CUL1: variants seen among roughly 807,000 people sequenced by gnomAD.
CUL1 encodes the protein cullin 1, also known as cullin-1.
CUL1 carries 24 observed loss-of-function variants against 118.0 expected under a neutral mutation model. The observed-to-expected ratio is 0.20, with a 90% CI of 0.15 to 0.29. CUL1 has a LOEUF of 0.29. Ranked by LOEUF, CUL1 falls within the 10% of genes least tolerant of loss-of-function variation. CUL1 has a pLI of 1.00. For missense variants in CUL1, 361 were observed against 933.8 expected, an observed-to-expected ratio of 0.39 and a Z score of 7.99; for synonymous variants, 332 against 340.4, an observed-to-expected ratio of 0.98 and a Z score of 0.27.
intron 9 of CUL1, among the ~76,000 whole-genome samples, chr7:148,773,274 A>G (rs892905051): frequency 3.9e-5 from 6 of 152,028 alleles, no homozygotes; most frequent in Non-Finnish European, 7.3e-5. Context: ...TGAAACTATT[A>G]TAATATCATT....
rs968798254 is a variant in CUL1, at chr7:148,730,189, G to T, written c.67G>T (p.Asp23Tyr). The T allele has an allele frequency of 6.2e-7, 1 of 1,613,978 alleles. No individual in the cohort carries two copies. Among genetic ancestry groups the T allele is most frequent in the African/African-American group, 1.3e-5 (1 of 74,904 alleles). ...GATTGGCCTGGACCAGATCTGGGAC[G>T]ACCTCAGAGCCGGCATCCAGCAGGT... ...KQIGLDQIWD[D>Y]LRAGIQQVYT... Residue 23 changes from aspartate (D) to tyrosine (Y), a missense_variant, in exon 2 of 22, where the codon GAC becomes TAC. By Grantham distance (160) the Asp-to-Tyr change is radical. This residue lies in a region of CUL1 where 13 missense variants were observed against 56.5 expected (regional missense o/e 0.23). Transcript: ENST00000325222.
intron 6 of CUL1, 145 bp downstream of exon 6, chr7:148,759,783 G>T: frequency 2.0e-6 from 1 of 492,764 alleles, no homozygotes; most frequent in East Asian, 3.4e-5. Context: ...TTCTTTTTAA[G>T]TCAGTGTGAC....
At chr7:148,779,900 G>T (rs961443655) in intron 9 of CUL1, among the ~76,000 whole-genome samples, 2 of 152,140 alleles carry the variant, frequency 1.3e-5, no homozygotes, top group African/African-American at 4.8e-5. Flanking sequence ...AGCTGCCAGC[G>T]AATATAAGGC....
intron 9 of CUL1, among the ~76,000 whole-genome samples, chr7:148,776,409 C>T (rs1416604097): frequency 2.0e-5 from 3 of 147,808 alleles, no homozygotes; most frequent in Non-Finnish European, 3.0e-5. Context: ...CTCCACCTCC[C>T]AGGTTCAAGC....
intron 17 of CUL1, among the ~76,000 whole-genome samples, chr7:148,795,627 G>A (rs546803255): frequency 4.6e-5 from 7 of 152,090 alleles, no homozygotes; most frequent in East Asian, 2.0e-4. Context: ...AAAATTAGCC[G>A]GGCGTGGTGG....
chr7:148,756,853 A>G lies in CUL1; in HGVS notation c.316-130A>G, dbSNP rs1215277552. On this transcript the variant is annotated intron_variant, in intron 3 of 21. Coordinates refer to ENST00000325222, the MANE Select transcript of CUL1 (RefSeq NM_003592.3). ...ATATTAGCATGTTTTTGTATACAGAATAATTTAAAGAAGCCATCTAAAATC... is the reference window on the plus strand; with the variant it reads ...ATATTAGCATGTTTTTGTATACAGAGTAATTTAAAGAAGCCATCTAAAATC... 6.8e-5 allele frequency: 34 copies of G among 500,476 alleles called. No individual in the cohort carries two copies. The East Asian group carries it at 9.8e-4, about 14-fold the overall frequency. The allele number at this position is 500,476 out of a possible 1,614,324, so 31.0% of individuals were successfully genotyped here.
At chr7:148,704,931 G>T (rs1797836701) in intron 1 of CUL1, among the ~76,000 whole-genome samples, 2 of 152,134 alleles carry the variant, frequency 1.3e-5, no homozygotes, top group Non-Finnish European at 2.9e-5. Flanking sequence ...TTGCAAGGAA[G>T]ACATTTCTGC....
intron 1 of CUL1, among the ~76,000 whole-genome samples, chr7:148,699,751 G>C (rs1469516573): frequency 6.6e-6 from 1 of 152,090 alleles, no homozygotes; most frequent in East Asian, 1.9e-4. Flanking sequence ...ACCGGACAGA[G>C]CCCCCCGGCG....
Position 148,786,779 on chromosome 7 carries a change from TACTC to T in CUL1, c.1347+182_1347+185del, listed in dbSNP as rs546404620. ...TTAGCATTCATACTTTTCTCATTAA[TACTC>T]AGTCAGTCCAACTCACTGAATTAAG... On this transcript the variant is annotated intron_variant, in intron 12 of 21. Transcript: ENST00000325222. 1.2e-4 allele frequency among the ~76,000 whole-genome samples: 19 copies of T among 152,384 alleles called. No individual in the cohort carries two copies. The South Asian group carries it at 2.1e-3, about 17-fold the overall frequency.
intron 9 of CUL1, among the ~76,000 whole-genome samples, chr7:148,779,427 G>C (rs1440420332): frequency 6.6e-6 from 1 of 152,178 alleles, no homozygotes; most frequent in African/African-American, 2.4e-5. Context: ...TGGAAATTCA[G>C]AGAAAGCATC....
chr7:148,708,202 A>G (rs1302547193), intron 1 of CUL1, among the ~76,000 whole-genome samples: 1 of 152,164 alleles, frequency 6.6e-6, no homozygotes, highest in Non-Finnish European at 1.5e-5. Flanking sequence ...TTCAGCTGAG[A>G]GCCTTGCAGT....
At chr7:148,783,264 G>C (rs1800704028) in intron 9 of CUL1, 1 of 924,994 alleles carries the variant, frequency 1.1e-6, no homozygotes, top group African/African-American at 1.8e-5. Flanking sequence ...CCCGTCCTGC[G>C]ATGAGGCCCT....
chr7:148,733,505 G>T (rs530409628), intron 2 of CUL1, among the ~76,000 whole-genome samples: 1 of 152,296 alleles, frequency 6.6e-6, no homozygotes, highest in East Asian at 1.9e-4. Flanking sequence ...AGCCCAGGTT[G>T]CATAACAGAG....
intron 9 of CUL1, among the ~76,000 whole-genome samples, chr7:148,771,519 C>T (rs991730894): frequency 1.3e-5 from 2 of 152,162 alleles, no homozygotes; most frequent in Non-Finnish European, 2.9e-5. Flanking sequence ...AGAGAGCCCT[C>T]CGAACCTCGG....
intron 9 of CUL1, chr7:148,783,229 C>A: frequency 1.7e-6 from 1 of 587,974 alleles, no homozygotes; most frequent in Non-Finnish European, 2.1e-6. Flanking sequence ...CCCTTTGCTG[C>A]CCTGCGCCGC....
intron 4 of CUL1, among the ~76,000 whole-genome samples, chr7:148,757,466 C>A (rs1348072997): frequency 6.6e-6 from 1 of 152,110 alleles, no homozygotes; most frequent in Non-Finnish European, 1.5e-5. Flanking sequence ...AGTCCTGAGT[C>A]CTGGTAGTCC....
At chr7:148,776,694 A>T (rs1800413314) in intron 9 of CUL1, among the ~76,000 whole-genome samples, 1 of 152,088 alleles carries the variant, frequency 6.6e-6, no homozygotes, top group African/African-American at 2.4e-5. Context: ...TTCACAAGCA[A>T]ATCCACTATG....
At chr7:148,749,039 T>C (rs1799396074) in intron 2 of CUL1, among the ~76,000 whole-genome samples, 2 of 152,186 alleles carry the variant, frequency 1.3e-5, no homozygotes, top group South Asian at 4.1e-4. Context: ...ATGAACATTT[T>C]ATATAAGTAT....
chr7:148,740,006 A>G (rs1035291438), intron 2 of CUL1, among the ~76,000 whole-genome samples: 36 of 151,658 alleles, frequency 2.4e-4, no homozygotes, highest in Admixed American at 2.2e-3. Flanking sequence ...CTTCTTGTCA[A>G]TGTCTACCCC....
Sources: gnomAD v4.1 joint callset for allele counts (sites outside exome capture counted in the v4.1 genomes callset) on GRCh38, gnomAD v4.1.1 for gene constraint, gnomAD v4.1.1 regional missense constraint, MANE v1.5 for transcripts, NCBI Gene and HGNC (gene_info 2026-07-23, HGNC 2026-07-21) for gene names.